ZC3H8: variants seen among roughly 807,000 people sequenced by gnomAD.
ZC3H8 encodes the protein zinc finger CCCH domain-containing protein 8.
In ZC3H8, 27 loss-of-function variants were observed where a neutral mutation model predicts 42.5. The ratio of observed to expected loss-of-function variants is 0.64; its 90% CI spans 0.47 to 0.88. The LOEUF (loss-of-function observed/expected upper bound fraction) is 0.88. Ranked by LOEUF, ZC3H8 falls within the 40% of genes least tolerant of loss-of-function variation. ZC3H8 has a pLI of 0.00. For synonymous variants in ZC3H8, 101 were observed against 110.1 expected, an observed-to-expected ratio of 0.92 and a Z score of 0.52; for missense variants, 277 against 336.1, an observed-to-expected ratio of 0.82 and a Z score of 1.37.
intron 4 of ZC3H8, among the ~76,000 whole-genome samples, chr2:112,236,263 T>C (rs1202975143): frequency 6.6e-6 from 1 of 152,036 alleles, no homozygotes; most frequent in Non-Finnish European, 1.5e-5. Context: ...CAAAAAAATA[T>C]ATGTATAACA....
intron 8 of ZC3H8, among the ~76,000 whole-genome samples, chr2:112,218,392 G>T (rs1684423838): frequency 6.6e-6 from 1 of 151,978 alleles, no homozygotes; most frequent in African/African-American, 2.4e-5. Flanking sequence ...TATTGAGTAT[G>T]GTGCATTCCT....
Position 112,238,509 on chromosome 2 carries a change from G to A in ZC3H8, c.176C>T (p.Ser59Leu), listed in dbSNP as rs760979712. 4 of 1,610,300 alleles carry A rather than the reference G, an allele frequency of 2.5e-6. No homozygotes were observed. Among genetic ancestry groups the A allele is most frequent in the East Asian group, 4.5e-5 (2 of 44,842 alleles). ...TTTTCTATGCAGCGAACTTTTTGGT[G>A]ATATTGCAGAGTGTCTAAACTAAGT... is the stretch of plus-strand genomic sequence containing the variant. ...IPKKFRHSAI[S>L]PKSSLHRKSR... The change falls in exon 3 of 9, where the codon TCA becomes TTA. Residue 59 changes from serine (S) to leucine (L), a missense_variant. Coordinates refer to ENST00000409573, the MANE Select transcript of ZC3H8 (RefSeq NM_032494.3).
intron 8 of ZC3H8, among the ~76,000 whole-genome samples, chr2:112,220,874 T>C (rs577363618): frequency 6.6e-6 from 1 of 152,308 alleles, no homozygotes; most frequent in East Asian, 1.9e-4. Flanking sequence ...TCTCTCCAGC[T>C]GCCCTTAACC....
chr2:112,243,425 T>C (rs886732613), intron 2 of ZC3H8, among the ~76,000 whole-genome samples: 4 of 152,204 alleles, frequency 2.6e-5, no homozygotes, highest in Non-Finnish European at 4.4e-5. Flanking sequence ...GGTGAACTGA[T>C]ATCAGTATTG....
intron 8 of ZC3H8, among the ~76,000 whole-genome samples, chr2:112,219,309 A>G (rs1684482760): frequency 6.6e-6 from 1 of 152,228 alleles, no homozygotes; most frequent in Non-Finnish European, 1.5e-5. Flanking sequence ...AATTGACAAA[A>G]GTACCAAGAC....
At chr2:112,246,393 A>G (rs1353757510) in intron 2 of ZC3H8, among the ~76,000 whole-genome samples, 1 of 152,276 alleles carries the variant, frequency 6.6e-6, no homozygotes, top group Non-Finnish European at 1.5e-5. Flanking sequence ...ATCTGGGCAG[A>G]GTAAATTGAA....
intron 8 of ZC3H8, among the ~76,000 whole-genome samples, chr2:112,220,711 C>T (rs1315896509): frequency 5.3e-5 from 8 of 152,200 alleles, no homozygotes; most frequent in Admixed American, 3.3e-4. Flanking sequence ...ATCCCAGCTA[C>T]TCAGAATGCT....
intron 1 of ZC3H8, among the ~76,000 whole-genome samples, chr2:112,251,022 C>T (rs74600755): frequency 1.3e-5 from 2 of 152,024 alleles, no homozygotes; most frequent in African/African-American, 4.8e-5. Flanking sequence ...AATATAAGAA[C>T]ATGGTGAACA....
chr2:112,213,662 G>GCTACTT lies in ZC3H8; in HGVS notation c.*2816_*2821dup, dbSNP rs1410728883. On this transcript the variant is annotated 3_prime_UTR_variant, in exon 9 of 9. Transcript: ENST00000409573. The stretch of plus-strand genomic sequence containing the variant: ...GTGGTGGCATGCACCTGTAGTCCCA[G>GCTACTT]CTACTTGGGAGGCTGAGGCAGGAGA... 6.6e-6 allele frequency: 1 copy of GCTACTT among 150,572 alleles called. No individual in the cohort carries two copies. The highest frequency in any genetic ancestry group is 2.4e-5 in the African/African-American group (1 of 40,938). The allele number at this position is 150,572 out of a possible 1,614,324, so 9.3% of individuals were successfully genotyped here. A position where few individuals can be genotyped will look rare whatever the true frequency, so the allele number is the denominator to read the frequency against.
intron 8 of ZC3H8, among the ~76,000 whole-genome samples, chr2:112,224,878 C>CT (rs1270070363): frequency 6.6e-6 from 1 of 152,116 alleles, no homozygotes; most frequent in African/African-American, 2.4e-5. Flanking sequence ...ATGGAATGTC[C>CT]TATTTATTGA....
intron 2 of ZC3H8, chr2:112,240,421 A>G (rs1487694470): frequency 1.3e-5 from 2 of 152,202 alleles, no homozygotes; most frequent in Non-Finnish European, 2.9e-5. Context: ...CAAAAAGATT[A>G]TTCAGTATGC....
chr2:112,236,702 A>C lies in ZC3H8; in HGVS notation c.371-7T>G. The stretch of plus-strand genomic sequence containing the variant: ...TTATTTTTTTGTTTAGCAGCTAAAA[A>C]CAAAAAATTAATTTAAAAAATGACA... On this transcript the variant is annotated splice_region_variant and splice_polypyrimidine_tract_variant and intron_variant, in intron 3 of 8. Coordinates refer to ENST00000409573, the MANE Select transcript of ZC3H8 (RefSeq NM_032494.3). 6.3e-7 allele frequency: 1 copy of C among 1,595,834 alleles called. No homozygotes were observed.
At chr2:112,249,466 C>T (rs983561550) in intron 2 of ZC3H8, among the ~76,000 whole-genome samples, 5 of 151,826 alleles carry the variant, frequency 3.3e-5, no homozygotes, top group East Asian at 1.9e-4. Flanking sequence ...TGTTTTGATT[C>T]GGAGTCTCGC....
At chr2:112,224,751 T>G (rs190667170) in intron 8 of ZC3H8, among the ~76,000 whole-genome samples, 211 of 152,252 alleles carry the variant, frequency 1.4e-3, no homozygotes, top group African/African-American at 4.8e-3. Context: ...TTATATGAAA[T>G]TCTAGAACAG....
At position 112,212,239 on chromosome 2, in the gene ZC3H8, G is replaced by T. The variant is rs1379039863; in HGVS notation, c.*4245C>A. On this transcript the variant is annotated 3_prime_UTR_variant, in exon 9 of 9. Coordinates refer to ENST00000409573, the MANE Select transcript of ZC3H8 (RefSeq NM_032494.3). ...TAAGGGCACTAATCCCATTCATGAG[G>T]GGCTCCACCCTCAAAACCCAATCAT... The T allele has an allele frequency of 7.2e-5, 11 of 152,196 alleles. No individual in the cohort carries two copies. Among genetic ancestry groups the T allele is most frequent in the Admixed American group, 7.2e-4 (11 of 15,278 alleles). 9.4% of individuals were successfully genotyped at this position (152,196 alleles called of 1,614,324 possible).
chr2:112,219,060 A>C (rs993927551), intron 8 of ZC3H8, among the ~76,000 whole-genome samples: 25 of 152,216 alleles, frequency 1.6e-4, no homozygotes, highest in African/African-American at 6.0e-4. Flanking sequence ...AATCTCTATC[A>C]AATTCAAATT....
intron 1 of ZC3H8, chr2:112,253,993 T>A: frequency 4.6e-6 from 2 of 434,230 alleles, no homozygotes; most frequent in Non-Finnish European, 3.1e-6. Context: ...GGCAGGTTAT[T>A]TAGCCTCTCC....
At chr2:112,232,249 G>A (rs1431523433) in intron 6 of ZC3H8, among the ~76,000 whole-genome samples, 3 of 149,258 alleles carry the variant, frequency 2.0e-5, no homozygotes, top group East Asian at 2.0e-4. Context: ...CTGGGAGGCG[G>A]AGGTTGCAGC....
chr2:112,212,166 T>C lies in ZC3H8; in HGVS notation c.*4318A>G, dbSNP rs1256106303. On this transcript the variant is annotated 3_prime_UTR_variant, in exon 9 of 9. Transcript: ENST00000409573. ...TTTGTAGACAGCCATTTTCTTGCCG[T>C]GTCCTCACATGGTGGAAAAGGGAGA... 1 of 152,284 alleles carries C rather than the reference T, an allele frequency of 6.6e-6. No individual in the cohort carries two copies. Among genetic ancestry groups the C allele is most frequent in the African/African-American group, 2.4e-5 (1 of 41,444 alleles). 9.4% of individuals were successfully genotyped at this position (152,284 alleles called of 1,614,324 possible).
Sources: gnomAD v4.1 joint callset for allele counts (sites outside exome capture counted in the v4.1 genomes callset) on GRCh38, gnomAD v4.1.1 for gene constraint, MANE v1.5 for transcripts, NCBI Gene and HGNC (gene_info 2026-07-23, HGNC 2026-07-21) for gene names.